ZNF549: variants seen among roughly 807,000 people sequenced by gnomAD.
The protein encoded by ZNF549 is zinc finger protein 549.
A neutral mutation model predicts 11.1 loss-of-function variants in ZNF549; 11 were observed. That is an observed-to-expected ratio of 0.99 (90% CI 0.62 to 1.64). ZNF549 has a LOEUF of 1.64. Ranked by LOEUF, ZNF549 falls within the 40% of genes most tolerant of loss-of-function variation. The pLI, the probability that ZNF549 is intolerant of heterozygous loss-of-function variation, is 0.00. For synonymous variants in ZNF549, 266 were observed against 269.1 expected, an observed-to-expected ratio of 0.99 and a Z score of 0.11; for missense variants, 748 against 765.1, an observed-to-expected ratio of 0.98 and a Z score of 0.26.
In ZNF549 at chr19:57,535,098, C is replaced by T. The variant is rs748638143; in HGVS notation, c.73-46C>T. 14 of 1,602,132 alleles carry T rather than the reference C, an allele frequency of 8.7e-6. No individual in the cohort carries two copies. The South Asian group carries it at 1.5e-4, about 18-fold the overall frequency. On this transcript the variant is annotated intron_variant, in intron 2 of 3. Transcript: ENST00000376233. ...GGAGGAGCGAGATTTACTGGGGTTC[C>T]TGGGGATTGAGTCTGCTCATGATTT...
chr19:57,527,458 G>A lies in ZNF549; in HGVS notation c.-116G>A, dbSNP rs1472639345. ...AAACCGGTGGAGGTGGTGTCCGCCC[G>A]CAGAGGAGCTTGCCTGGTCTCGGTC... On this transcript the variant is annotated 5_prime_UTR_variant, in exon 1 of 4. Transcript: ENST00000376233. 30 of 1,430,630 alleles carry A rather than the reference G, an allele frequency of 2.1e-5. No individual in the cohort carries two copies. Among genetic ancestry groups the A allele is most frequent in the Non-Finnish European group, 2.8e-5 (29 of 1,038,334 alleles). The allele number at this position is 1,430,630 out of a possible 1,614,324, so 88.6% of individuals were successfully genotyped here.
Position 57,538,620 on chromosome 19 carries a change from G to A in ZNF549, c.1616G>A (p.Ser539Asn), listed in dbSNP as rs200138631. The change falls in exon 4 of 4, where the codon AGC becomes AAC. Residue 539 changes from serine (S) to asparagine (N), a missense_variant. Coordinates refer to ENST00000376233, the MANE Select transcript of ZNF549 (RefSeq NM_001199295.2). ...CECNECGKVF[S>N]HQKRLLEHQK... is the part of the protein sequence containing the mutation. Reference sequence around the variant, plus strand: ...TGCAATGAATGTGGAAAAGTCTTCAGCCACCAAAAAAGACTTCTTGAGCAC... The same window carrying A: ...TGCAATGAATGTGGAAAAGTCTTCAACCACCAAAAAAGACTTCTTGAGCAC... 1.9e-5 allele frequency: 31 copies of A among 1,613,876 alleles called. No homozygotes were observed. Among genetic ancestry groups the A allele is most frequent in the Non-Finnish European group, 2.5e-5 (30 of 1,179,980 alleles).
In ZNF549 at chr19:57,527,687, G is replaced by T. The variant is rs1369921368; in HGVS notation, c.33+81G>T. On this transcript the variant is annotated intron_variant, in intron 1 of 3. Coordinates refer to ENST00000376233, the MANE Select transcript of ZNF549 (RefSeq NM_001199295.2). ...ACCTGCGTGGGTCTCTGCAGTTCAG[G>T]CCTCTTCTCCAGGACAGCGAGGAGT... The T allele has an allele frequency of 2.0e-6, 3 of 1,537,988 alleles. No individual in the cohort carries two copies. The African/African-American group carries it at 4.1e-5, about 21-fold the overall frequency.
intron 1 of ZNF549, among the ~76,000 whole-genome samples, chr19:57,529,529 A>G (rs777639146): frequency 4.6e-5 from 7 of 152,246 alleles, no homozygotes; most frequent in Admixed American, 2.0e-4. Flanking sequence ...TTACTGTACT[A>G]TTCACCCTTG....
Position 57,537,797 on chromosome 19 carries a change from C to T in ZNF549, c.793C>T (p.His265Tyr). The change falls in exon 4 of 4, where the codon CAC becomes TAC. Residue 265 changes from histidine to tyrosine, a missense_variant. By Grantham distance (83) the His-to-Tyr change is moderately conservative. Coordinates refer to ENST00000376233, the MANE Select transcript of ZNF549 (RefSeq NM_001199295.2). ...GAACTCTAAATACTTATTTGTTGAA[C>T]ACCAGAGAACCCATAATGCAGAAAA... ...SLNSKYLFVE[H>Y]QRTHNAEKPY... is the part of the protein sequence containing the mutation. 6.2e-7 allele frequency: 1 copy of T among 1,614,182 alleles called. No individual in the cohort carries two copies. The highest frequency in any genetic ancestry group is 8.5e-7 in the Non-Finnish European group (1 of 1,180,026).
At position 57,539,166 on chromosome 19, in the gene ZNF549, C is replaced by G. The variant is rs2089943710; in HGVS notation, c.*239C>G. 1 of 483,234 alleles carries G rather than the reference C, an allele frequency of 2.1e-6. No individual in the cohort carries two copies. Among genetic ancestry groups the G allele is most frequent in the Non-Finnish European group, 3.7e-6 (1 of 270,524 alleles). 29.9% of individuals were successfully genotyped at this position (483,234 alleles called of 1,614,324 possible). ...CCTCACCGTTTTCATCAGTCACTCA[C>G]ATGTGCTCAAGGAATGCAGACCACT... On this transcript the variant is annotated 3_prime_UTR_variant, in exon 4 of 4. Coordinates refer to ENST00000376233, the MANE Select transcript of ZNF549 (RefSeq NM_001199295.2).
In ZNF549 at chr19:57,539,286, A is replaced by G. The variant is rs1283021210; in HGVS notation, c.*359A>G. 2.9e-5 allele frequency: 5 copies of G among 174,638 alleles called. No individual in the cohort carries two copies. Among genetic ancestry groups the G allele is most frequent in the South Asian group, 1.6e-4 (1 of 6,254 alleles). 10.8% of individuals were successfully genotyped at this position (174,638 alleles called of 1,614,324 possible). On this transcript the variant is annotated 3_prime_UTR_variant, in exon 4 of 4. Transcript: ENST00000376233. ...CTGTTCGAGGCAAAGACAAAACCCA[A>G]CTTTGACCAAGAAGAGCAATCTGGA...
chr19:57,527,503 T>C lies in ZNF549; in HGVS notation c.-71T>C. ...TCGGTCTGAGCGTCGCCCAGCGATT[T>C]GCCACCGCACGCACGCCGGATCCCG... On this transcript the variant is annotated 5_prime_UTR_variant, in exon 1 of 4. Transcript: ENST00000376233. 6.2e-7 allele frequency: 1 copy of C among 1,602,482 alleles called. No homozygotes were observed. Among genetic ancestry groups the C allele is most frequent in the Non-Finnish European group, 8.5e-7 (1 of 1,173,602 alleles).
rs1409390408 is a variant in ZNF549 at position 57,527,452 on chromosome 19, C to G, written c.-122C>G. ...AGCCGGAAACCGGTGGAGGTGGTGT[C>G]CGCCCGCAGAGGAGCTTGCCTGGTC... On this transcript the variant is annotated 5_prime_UTR_variant, in exon 1 of 4. Coordinates refer to ENST00000376233, the MANE Select transcript of ZNF549 (RefSeq NM_001199295.2). The G allele has an allele frequency of 7.2e-7, 1 of 1,388,722 alleles. No individual in the cohort carries two copies. Among genetic ancestry groups the G allele is most frequent in the East Asian group, 2.5e-5 (1 of 40,370 alleles). The allele number at this position is 1,388,722 out of a possible 1,614,324, so 86.0% of individuals were successfully genotyped here.
chr19:57,527,752 A>G lies in ZNF549; in HGVS notation c.33+146A>G, dbSNP rs2089885077. On this transcript the variant is annotated intron_variant, in intron 1 of 3. Coordinates refer to ENST00000376233, the MANE Select transcript of ZNF549 (RefSeq NM_001199295.2). Reference sequence around the variant, plus strand: ...TCAGAGCTGACGGGCGGTGAGGTGAAGAAGGGAGAGCGTTGCGTACCGTGG... The same window carrying G: ...TCAGAGCTGACGGGCGGTGAGGTGAGGAAGGGAGAGCGTTGCGTACCGTGG... 17 of 1,028,520 alleles carry G rather than the reference A, an allele frequency of 1.7e-5. No individual in the cohort carries two copies. The South Asian group carries it at 2.4e-4, about 15-fold the overall frequency. 63.7% of individuals were successfully genotyped at this position (1,028,520 alleles called of 1,614,324 possible).
rs924843286 is a variant in ZNF549, at chr19:57,538,127, G to A, written c.1123G>A (p.Asp375Asn). The A allele has an allele frequency of 3.1e-6, 5 of 1,614,058 alleles. No homozygotes were observed. Among genetic ancestry groups the A allele is most frequent in the Non-Finnish European group, 3.4e-6 (4 of 1,179,996 alleles). Residue 375 changes from aspartate (D) to asparagine (N), a missense_variant, in exon 4 of 4, where the codon GAC (aspartate) becomes AAC (asparagine). Coordinates refer to ENST00000376233, the MANE Select transcript of ZNF549 (RefSeq NM_001199295.2). ...ECGKSFIHSYDRIRHQRVHTG... is the reference protein window; with the variant it reads ...ECGKSFIHSYNRIRHQRVHTG... ...TGGGAAATCTTTTATTCATTCCTATGACCGCATTCGACACCAGAGAGTTCA... is the reference window on the plus strand; with the variant it reads ...TGGGAAATCTTTTATTCATTCCTATAACCGCATTCGACACCAGAGAGTTCA...
chr19:57,534,693 G>T (rs1045146614), intron 2 of ZNF549, among the ~76,000 whole-genome samples: 4 of 152,142 alleles, frequency 2.6e-5, no homozygotes, highest in Admixed American at 1.3e-4. Context: ...CTCTGACTTG[G>T]GTCTAACAAA....
rs1397262278 is a variant in ZNF549 at position 57,527,431 on chromosome 19, G to C, written c.-143G>C. On this transcript the variant is annotated 5_prime_UTR_variant, in exon 1 of 4. Transcript: ENST00000376233. Reference sequence around the variant, plus strand: ...GGGTCCGGGCCAGGTAACTGGAGCCGGAAACCGGTGGAGGTGGTGTCCGCC... The same window carrying C: ...GGGTCCGGGCCAGGTAACTGGAGCCCGAAACCGGTGGAGGTGGTGTCCGCC... The C allele has an allele frequency of 2.1e-5, 25 of 1,210,546 alleles. No homozygotes were observed. Among genetic ancestry groups the C allele is most frequent in the Non-Finnish European group, 2.9e-5 (25 of 850,492 alleles). The allele number at this position is 1,210,546 out of a possible 1,614,324, so 75.0% of individuals were successfully genotyped here.
rs148422432 is a variant in ZNF549, at chr19:57,538,445, G to C, written c.1441G>C (p.Ala481Pro). The change falls in exon 4 of 4, where the codon GCC (alanine) becomes CCC (proline). Residue 481 changes from alanine to proline, a missense_variant. Coordinates refer to ENST00000376233, the MANE Select transcript of ZNF549 (RefSeq NM_001199295.2). ...TTATGAATGCAGTGACTGTGGGAAA[G>C]CCTTCATCTCCAAACAAACACTTCT... ...RAYECSDCGK[A>P]FISKQTLLKH... 6.2e-7 allele frequency: 1 copy of C among 1,614,124 alleles called. No homozygotes were observed. The highest frequency in any genetic ancestry group is 8.5e-7 in the Non-Finnish European group (1 of 1,180,006).
chr19:57,537,562 T>C lies in ZNF549; in HGVS notation c.558T>C (p.Asp186=), dbSNP rs999430198. ...CAGACAATCTTTTCCCATGCAAAGA[T>C]GTTGAGAAGGATTTTCCAACCATCC... ...PLSDNLFPCK[D]VEKDFPTILG... Residue 186 remains aspartate, a synonymous_variant, in exon 4 of 4, where the codon GAT becomes GAC. Coordinates refer to ENST00000376233, the MANE Select transcript of ZNF549 (RefSeq NM_001199295.2). 6.2e-7 allele frequency: 1 copy of C among 1,614,206 alleles called. No individual in the cohort carries two copies. Among genetic ancestry groups the C allele is most frequent in the Non-Finnish European group, 8.5e-7 (1 of 1,180,032 alleles).
chr19:57,527,956 C>T (rs2089886385), intron 1 of ZNF549, among the ~76,000 whole-genome samples: 1 of 152,060 alleles, frequency 6.6e-6, no homozygotes, highest in South Asian at 2.1e-4. Flanking sequence ...GGGTTGTGAA[C>T]TAAAGGAGAA....
At chr19:57,531,866 G>C (rs984678843) in intron 2 of ZNF549, among the ~76,000 whole-genome samples, 1 of 152,110 alleles carries the variant, frequency 6.6e-6, no homozygotes, top group African/African-American at 2.4e-5. Context: ...TTTATTTCTG[G>C]AATTATCCAT....
At position 57,537,462 on chromosome 19, in the gene ZNF549, A is replaced by G; in HGVS notation, c.458A>G (p.Gln153Arg). The G allele has an allele frequency of 2.5e-6, 4 of 1,614,254 alleles. No homozygotes were observed. Among genetic ancestry groups the G allele is most frequent in the Non-Finnish European group, 3.4e-6 (4 of 1,180,038 alleles). The change falls in exon 4 of 4, where the codon CAG becomes CGG. Residue 153 changes from glutamine (Q) to arginine (R), a missense_variant. Coordinates refer to ENST00000376233, the MANE Select transcript of ZNF549 (RefSeq NM_001199295.2). ...TCTAACCTGCAACAGCACCAGAACC[A>G]GGACAGTGGAGAGAAACACATCAGA... is the stretch of plus-strand genomic sequence containing the variant. The part of the protein sequence containing the change: ...FGSNLQQHQN[Q>R]DSGEKHIRKE...
intron 1 of ZNF549, 61 bp from the exon 2 acceptor site, chr19:57,531,009 A>G (rs548761895): frequency 4.1e-4 from 636 of 1,548,226 alleles, no homozygotes; most frequent in Non-Finnish European, 5.4e-4. Context: ...GGCAAGAGCA[A>G]CTTACCCTTT....
Sources: gnomAD v4.1 joint callset for allele counts (sites outside exome capture counted in the v4.1 genomes callset) on GRCh38, gnomAD v4.1.1 for gene constraint, MANE v1.5 for transcripts, NCBI Gene and HGNC (gene_info 2026-07-23, HGNC 2026-07-21) for gene names.